Variants in CAVIN1 observed in about 807,000 individuals in gnomAD.
The protein encoded by CAVIN1 is caveolae-associated protein 1.
Under a neutral mutation model 24.0 loss-of-function variants are expected in CAVIN1, and 16 were observed. The ratio of observed to expected loss-of-function variants is 0.67; its 90% CI spans 0.45 to 1.01. CAVIN1 has a LOEUF of 1.01. CAVIN1 is among the 50% of genes least tolerant of loss of function. The pLI, the probability that CAVIN1 is intolerant of heterozygous loss-of-function variation, is 0.00. For synonymous variants in CAVIN1, 256 were observed against 256.4 expected (o/e 1.00, Z 0.02); for missense variants, 510 against 551.7 (o/e 0.92, Z 0.76).
At chr17:42,410,932 T>TAAAAAAAAA (rs2085472272) in intron 1 of CAVIN1, among the ~76,000 whole-genome samples, 1 of 98,530 alleles carries the variant, frequency 1.0e-5, no homozygotes, top group African/African-American at 4.5e-5. Flanking sequence ...AAAAAAAAAT[T>TAAAAAAAAA]GAAAGGGCCA....
chr17:42,407,626 C>T (rs1433925638), intron 1 of CAVIN1, among the ~76,000 whole-genome samples: 1 of 152,202 alleles, frequency 6.6e-6, no homozygotes, highest in Non-Finnish European at 1.5e-5. Flanking sequence ...TGGGCATCAG[C>T]TCTGCTGGGC....
At chr17:42,411,319 G>T in intron 1 of CAVIN1, 1 of 437,030 alleles carries the variant, frequency 2.3e-6, no homozygotes, top group Non-Finnish European at 3.0e-6. Flanking sequence ...TTGGGAAGCT[G>T]AGGTGGGAGG....
At chr17:42,406,589 T>C (rs1256043863) in intron 1 of CAVIN1, among the ~76,000 whole-genome samples, 1 of 151,932 alleles carries the variant, frequency 6.6e-6, no homozygotes, top group Non-Finnish European at 1.5e-5. Context: ...GTTGGTCAGA[T>C]TGGTCTCGAA....
chr17:42,415,894 G>T (rs544799942), intron 1 of CAVIN1, among the ~76,000 whole-genome samples: 1 of 152,002 alleles, frequency 6.6e-6, no homozygotes, highest in African/African-American at 2.4e-5. Flanking sequence ...CTTGCTATCA[G>T]TTGCCCACTC....
chr17:42,402,792 G>C lies in CAVIN1; in HGVS notation c.*1895C>G, dbSNP rs1240074915. 3.9e-5 allele frequency: 6 copies of C among 152,478 alleles called. No homozygotes were observed. The highest frequency in any genetic ancestry group is 2.1e-4 in the South Asian group (1 of 4,832). 9.4% of individuals were successfully genotyped at this position (152,478 alleles called of 1,614,324 possible). A position where few individuals can be genotyped will look rare whatever the true frequency, so the allele number is the denominator to read the frequency against. ...AGGGCAGAGAAGGTAAGGAGCAGGTGGGGGGAAGGAGGAAGCTCTCGGGGC... is the reference window on the plus strand; with the variant it reads ...AGGGCAGAGAAGGTAAGGAGCAGGTCGGGGGAAGGAGGAAGCTCTCGGGGC... On this transcript the variant is annotated 3_prime_UTR_variant, in exon 2 of 2. Transcript: ENST00000357037.
intron 1 of CAVIN1, among the ~76,000 whole-genome samples, chr17:42,421,128 C>T (rs949793462): frequency 6.6e-6 from 1 of 152,086 alleles, no homozygotes; most frequent in Non-Finnish European, 1.5e-5. Context: ...GTCTGTCATC[C>T]GTGGGTAAGG....
At position 42,404,672 on chromosome 17, in the gene CAVIN1, G is replaced by A; in HGVS notation, c.*15C>T. On this transcript the variant is annotated 3_prime_UTR_variant, in exon 2 of 2. Transcript: ENST00000357037. ...GGAAGGAGCGAGGAATGGGGTGGGT[G>A]GCAGCGGGGGCGGCTCAGTCGCTGT... 1 of 1,411,852 alleles carries A rather than the reference G, an allele frequency of 7.1e-7. No homozygotes were observed. Among genetic ancestry groups the A allele is most frequent in the Middle Eastern group, 2.2e-4 (1 of 4,608 alleles). 87.5% of individuals were successfully genotyped at this position (1,411,852 alleles called of 1,614,324 possible). A position where few individuals can be genotyped will look rare whatever the true frequency, so the allele number is the denominator to read the frequency against.
At position 42,423,113 on chromosome 17, in the gene CAVIN1, T is replaced by C; in HGVS notation, c.-16A>G. Reference sequence around the variant, plus strand: ...GGTCCTCCATGGCTACCCGGAGCCGTGCGGGACCGGCCGGGTGGGGCTGGA... The same window carrying C: ...GGTCCTCCATGGCTACCCGGAGCCGCGCGGGACCGGCCGGGTGGGGCTGGA... On this transcript the variant is annotated 5_prime_UTR_variant, in exon 1 of 2. Transcript: ENST00000357037. 3 of 1,532,930 alleles carry C rather than the reference T, an allele frequency of 2.0e-6. No homozygotes were observed. The highest frequency in any genetic ancestry group is 2.6e-6 in the Non-Finnish European group (3 of 1,136,960). 95.0% of individuals were successfully genotyped at this position (1,532,930 alleles called of 1,614,324 possible). A position where few individuals can be genotyped will look rare whatever the true frequency, so the allele number is the denominator to read the frequency against.
At chr17:42,409,133 T>A (rs1254124202) in intron 1 of CAVIN1, among the ~76,000 whole-genome samples, 1 of 150,348 alleles carries the variant, frequency 6.7e-6, no homozygotes, top group Non-Finnish European at 1.5e-5. Flanking sequence ...TGGGGTCTTG[T>A]TCTGTCAACC....
intron 1 of CAVIN1, among the ~76,000 whole-genome samples, chr17:42,418,376 T>C (rs1200296068): frequency 6.6e-6 from 1 of 151,972 alleles, no homozygotes; most frequent in Non-Finnish European, 1.5e-5. Context: ...GGATTACAGG[T>C]ATGTGCAACC....
chr17:42,408,521 T>G (rs1216890468), intron 1 of CAVIN1, among the ~76,000 whole-genome samples: 2 of 152,190 alleles, frequency 1.3e-5, no homozygotes, highest in Non-Finnish European at 2.9e-5. Context: ...GATGGAGTTT[T>G]GCTCTTGCTC....
chr17:42,423,109 G>A lies in CAVIN1; in HGVS notation c.-12C>T, dbSNP rs769108003. Reference sequence around the variant, plus strand: ...GTGGGGTCCTCCATGGCTACCCGGAGCCGTGCGGGACCGGCCGGGTGGGGC... The same window carrying A: ...GTGGGGTCCTCCATGGCTACCCGGAACCGTGCGGGACCGGCCGGGTGGGGC... On this transcript the variant is annotated 5_prime_UTR_variant, in exon 1 of 2. Coordinates refer to ENST00000357037, the MANE Select transcript of CAVIN1 (RefSeq NM_012232.6). 5.6e-5 allele frequency: 86 copies of A among 1,547,846 alleles called. No homozygotes were observed. In the Middle Eastern group the frequency reaches 1.3e-3, roughly 23 times the overall value.
intron 1 of CAVIN1, among the ~76,000 whole-genome samples, chr17:42,406,859 C>A (rs183270172): frequency 3.7e-4 from 57 of 152,246 alleles, no homozygotes; most frequent in Non-Finnish European, 6.8e-4. Flanking sequence ...CATGTTTTCT[C>A]CCCAGTCTGG....
intron 1 of CAVIN1, among the ~76,000 whole-genome samples, chr17:42,421,580 C>T (rs568699703): frequency 2.0e-5 from 3 of 152,162 alleles, no homozygotes; most frequent in Non-Finnish European, 4.4e-5. Context: ...ATCTCATCCC[C>T]GATGGCACTG....
chr17:42,413,919 G>A (rs926128152), intron 1 of CAVIN1, among the ~76,000 whole-genome samples: 2 of 151,930 alleles, frequency 1.3e-5, no homozygotes, highest in African/African-American at 4.8e-5. Flanking sequence ...TTTTTTAGAC[G>A]GAGTCTTGCT....
chr17:42,419,474 G>A (rs1186339841), intron 1 of CAVIN1, among the ~76,000 whole-genome samples: 4 of 151,850 alleles, frequency 2.6e-5, no homozygotes, highest in Admixed American at 2.0e-4. Context: ...CACCATGCCC[G>A]GCTAATTTTT....
rs756026256 is a variant in CAVIN1 at position 42,422,948 on chromosome 17, G to A, written c.150C>T (p.Asn50=). ...CCAGGAGGCTCAGCACCAGCACGCC[G>A]TTCACCTGGTCCGACTTGATCAGCT... The part of the protein sequence containing the change: ...SEELIKSDQV[N]GVLVLSLLDK... Residue 50 remains asparagine (N), a synonymous_variant, in exon 1 of 2, where the codon AAC becomes AAT. Coordinates refer to ENST00000357037, the MANE Select transcript of CAVIN1 (RefSeq NM_012232.6). 3 of 1,614,026 alleles carry A rather than the reference G, an allele frequency of 1.9e-6. No homozygotes were observed. Among genetic ancestry groups the A allele is most frequent in the South Asian group, 1.1e-5 (1 of 91,090 alleles).
intron 1 of CAVIN1, among the ~76,000 whole-genome samples, chr17:42,421,737 G>A (rs1486341147): frequency 6.6e-6 from 1 of 152,170 alleles, no homozygotes; most frequent in Non-Finnish European, 1.5e-5. Flanking sequence ...CGGAGCCGGG[G>A]GGTGGGGGCG....
At position 42,405,094 on chromosome 17, in the gene CAVIN1, G is replaced by A; in HGVS notation, c.766C>T (p.Arg256Cys). Reference protein sequence around the residue: ...VRTRENLEKTRLKTKENLEKT... With the variant: ...VRTRENLEKTCLKTKENLEKT... ...TCCAGGTTTTCCTTGGTCTTGAGGC[G>A]CGTCTTCTCCAGGTTCTCGCGGGTA... The change falls in exon 2 of 2, where the codon CGC (arginine) becomes TGC (cysteine). Residue 256 changes from arginine (R) to cysteine (C), a missense_variant. Coordinates refer to ENST00000357037, the MANE Select transcript of CAVIN1 (RefSeq NM_012232.6). The A allele has an allele frequency of 6.2e-7, 1 of 1,614,026 alleles. No homozygotes were observed. Among genetic ancestry groups the A allele is most frequent in the Non-Finnish European group, 8.5e-7 (1 of 1,179,996 alleles).
Sources: allele counts gnomAD v4.1 joint callset (sites outside exome capture counted in the v4.1 genomes callset), GRCh38; gene constraint gnomAD v4.1.1; transcripts MANE v1.5; gene names NCBI Gene and HGNC (gene_info 2026-07-23, HGNC 2026-07-21).